Variants in GRM8 observed in about 807,000 individuals in gnomAD.
GRM8 encodes the protein metabotropic glutamate receptor 8.
Under a neutral mutation model 87.2 loss-of-function variants are expected in GRM8, and 47 were observed. The ratio of observed to expected loss-of-function variants is 0.54; its 90% CI spans 0.43 to 0.69. The LOEUF (loss-of-function observed/expected upper bound fraction) is 0.69, where lower values mean the gene tolerates loss of function less well. Ranked by LOEUF, GRM8 falls within the 30% of genes least tolerant of loss-of-function variation. The pLI is 0.00. For synonymous variants in GRM8, 396 were observed against 404.5 expected, an observed-to-expected ratio of 0.98 and a Z score of 0.25; for missense variants, 1,019 against 1,139.2, an observed-to-expected ratio of 0.89 and a Z score of 1.52.
intron 2 of GRM8, among the ~76,000 whole-genome samples, chr7:127,238,170 C>G (rs2116852288): frequency 6.6e-6 from 1 of 152,294 alleles, no homozygotes; most frequent in South Asian, 2.1e-4. Context: ...TGTTCTGGGT[C>G]TGCTATTCTA....
At chr7:127,236,482 C>T (rs1000371733) in intron 2 of GRM8, among the ~76,000 whole-genome samples, 2 of 152,168 alleles carry the variant, frequency 1.3e-5, no homozygotes, top group Non-Finnish European at 2.9e-5. Flanking sequence ...CACAAGGTGG[C>T]AGGAAGGAGC....
At chr7:126,967,177 G>A (rs1809963342) in intron 3 of GRM8, among the ~76,000 whole-genome samples, 1 of 152,170 alleles carries the variant, frequency 6.6e-6, no homozygotes, top group African/African-American at 2.4e-5. Context: ...TTGTGTGTGT[G>A]TGTGTACACC....
At chr7:126,832,010 A>C (rs1274851665) in intron 6 of GRM8, among the ~76,000 whole-genome samples, 1 of 152,170 alleles carries the variant, frequency 6.6e-6, no homozygotes, top group Non-Finnish European at 1.5e-5. Context: ...CCATATCAAT[A>C]AATAAGTGCA....
intron 3 of GRM8, among the ~76,000 whole-genome samples, chr7:126,980,281 GA>G (rs3216293): frequency 0.37 from 56,777 of 151,946 alleles, 10,991 homozygotes; most frequent in African/African-American, 0.48. Context: ...ATTCTGGTCA[GA>G]AAAAAATTAA....
At chr7:126,739,650 T>A (rs1814709527) in intron 7 of GRM8, among the ~76,000 whole-genome samples, 1 of 152,102 alleles carries the variant, frequency 6.6e-6, no homozygotes, top group African/African-American at 2.4e-5. Context: ...TTGGTGGTGA[T>A]CCTCCCACAA....
intron 8 of GRM8, among the ~76,000 whole-genome samples, chr7:126,563,632 C>T (rs573939878): frequency 1.3e-5 from 2 of 152,186 alleles, no homozygotes; most frequent in African/African-American, 4.8e-5. Flanking sequence ...TGTGGCTTGT[C>T]AGCCTCTGGG....
intron 2 of GRM8, among the ~76,000 whole-genome samples, chr7:127,156,125 C>T (rs1044640551): frequency 2.0e-5 from 3 of 152,086 alleles, no homozygotes; most frequent in Non-Finnish European, 4.4e-5. Context: ...CGTAAGCAAG[C>T]GTGGAAGAAA....
chr7:126,455,033 G>T (rs904039111), intron 9 of GRM8, among the ~76,000 whole-genome samples: 1 of 151,652 alleles, frequency 6.6e-6, no homozygotes, highest in Non-Finnish European at 1.5e-5. Context: ...TCTCAAAGAT[G>T]TCTGATATTG....
intron 3 of GRM8, among the ~76,000 whole-genome samples, chr7:127,030,412 G>T (rs933514294): frequency 6.6e-6 from 1 of 152,100 alleles, no homozygotes; most frequent in Non-Finnish European, 1.5e-5. Context: ...CCAGGGGCCA[G>T]TAGCACCTTC....
intron 2 of GRM8, among the ~76,000 whole-genome samples, chr7:127,136,015 T>G (rs990774680): frequency 8.5e-5 from 13 of 152,110 alleles, no homozygotes; most frequent in Non-Finnish European, 1.6e-4. Flanking sequence ...TACCAAAGCA[T>G]TAAGATAAAA....
chr7:126,581,917 C>A (rs1795650205), intron 8 of GRM8, among the ~76,000 whole-genome samples: 1 of 151,978 alleles, frequency 6.6e-6, no homozygotes, highest in African/African-American at 2.4e-5. Flanking sequence ...CTCAATGAAC[C>A]CCCTGTTCCC....
intron 6 of GRM8, among the ~76,000 whole-genome samples, chr7:126,843,393 A>G (rs549825153): frequency 2.6e-5 from 4 of 152,364 alleles, no homozygotes; most frequent in South Asian, 4.1e-4. Context: ...AGCTAAAATT[A>G]TTTGGAATAA....
At chr7:127,161,940 A>C (rs915849525) in intron 2 of GRM8, among the ~76,000 whole-genome samples, 1 of 152,148 alleles carries the variant, frequency 6.6e-6, no homozygotes, top group Non-Finnish European at 1.5e-5. Context: ...TATCAGGTAA[A>C]TTATAACTCA....
At chr7:127,162,318 C>T (rs1178019160) in intron 2 of GRM8, among the ~76,000 whole-genome samples, 2 of 152,186 alleles carry the variant, frequency 1.3e-5, no homozygotes, top group East Asian at 3.9e-4. Flanking sequence ...AGTGAAAAGA[C>T]AGCTTTCCTC....
intron 3 of GRM8, among the ~76,000 whole-genome samples, chr7:127,085,621 T>C (rs6945515): frequency 0.083 from 12,710 of 152,232 alleles, 1,743 homozygotes; most frequent in African/African-American, 0.29. Flanking sequence ...TTGAGAAGTG[T>C]CAGTTCGTAT....
intron 3 of GRM8, among the ~76,000 whole-genome samples, chr7:126,974,873 T>A (rs913458522): frequency 7.2e-6 from 1 of 138,954 alleles, no homozygotes; most frequent in Non-Finnish European, 1.5e-5. Flanking sequence ...GAGGCGGAGC[T>A]TGCAGTGAGC....
chr7:127,030,342 C>A (rs370150797), intron 3 of GRM8, among the ~76,000 whole-genome samples: 3 of 152,044 alleles, frequency 2.0e-5, no homozygotes, highest in East Asian at 3.9e-4. Context: ...TGCAGGTGGG[C>A]TTAGTGGTAA....
At chr7:126,656,316 C>T (rs1259623042) in intron 7 of GRM8, among the ~76,000 whole-genome samples, 1 of 152,130 alleles carries the variant, frequency 6.6e-6, no homozygotes, top group Admixed American at 6.5e-5. Flanking sequence ...CCTGGGGCAT[C>T]TTATTGGCAT....
chr7:126,809,399 G>A (rs1793079870), intron 6 of GRM8, among the ~76,000 whole-genome samples: 1 of 152,034 alleles, frequency 6.6e-6, no homozygotes, highest in Non-Finnish European at 1.5e-5. Flanking sequence ...TGCTGATATA[G>A]GAAAAATAAT....
Sources: gnomAD v4.1 joint callset for allele counts (sites outside exome capture counted in the v4.1 genomes callset) on GRCh38, gnomAD v4.1.1 for gene constraint, MANE v1.5 for transcripts, NCBI Gene and HGNC (gene_info 2026-07-23, HGNC 2026-07-21) for gene names.